The following CUL3 variants were observed in gnomAD, a reference collection of about 807,000 sequenced individuals.
CUL3 encodes cullin-3.
CUL3 carries 19 observed loss-of-function variants against 89.1 expected under a neutral mutation model. That is an observed-to-expected ratio of 0.21 (90% confidence interval 0.15 to 0.31). The LOEUF (loss-of-function observed/expected upper bound fraction) is 0.31, where lower values mean the gene tolerates loss of function less well. Ranked by LOEUF, CUL3 falls within the 10% of genes least tolerant of loss-of-function variation. The pLI is 1.00. For synonymous variants in CUL3, 351 were observed against 308.4 expected (o/e 1.14, Z -1.45); for missense variants, 469 against 942.3 (o/e 0.50, Z 6.58).
chr2:224,504,701 G>C (rs1220404781), intron 8 of CUL3, among the ~76,000 whole-genome samples: 3 of 152,166 alleles, frequency 2.0e-5, no homozygotes, highest in Non-Finnish European at 1.5e-5. Flanking sequence ...TAAATTAATA[G>C]ACTTTTCTAT....
Position 224,557,733 on chromosome 2 carries a change from T to C in CUL3, c.190A>G (p.Met64Val). 2 of 1,610,922 alleles carry C rather than the reference T, an allele frequency of 1.2e-6. No individual in the cohort carries two copies. The highest frequency in any genetic ancestry group is 1.7e-6 in the Non-Finnish European group (2 of 1,177,858). ...TTTTCTCCATGTTTATGCAAAACCA[T>C]TGTATATGCATTTCTATAGAGCTCC... is the stretch of plus-strand genomic sequence containing the variant. ...FEELYRNAYTMVLHKHGEKLY... is the reference protein window; with the variant it reads ...FEELYRNAYTVVLHKHGEKLY... Residue 64 changes from methionine (M) to valine (V), a missense_variant, in exon 2 of 16, where the codon ATG (methionine) becomes GTG (valine). By Grantham distance (21) the Met-to-Val change is conservative. Transcript: ENST00000264414.
intron 13 of CUL3, among the ~76,000 whole-genome samples, chr2:224,493,014 C>T (rs1000217834): frequency 6.6e-6 from 1 of 152,160 alleles, no homozygotes; most frequent in Non-Finnish European, 1.5e-5. Context: ...ATGTGAACCA[C>T]CCTGGAAGTG....
Position 224,585,256 on chromosome 2 carries a change from C to T in CUL3, c.-247G>A, listed in dbSNP as rs1695558286. On this transcript the variant is annotated 5_prime_UTR_variant, in exon 1 of 16. Transcript: ENST00000264414. ...GGGCTGCGCTGGCGCGGCGGCTCCG[C>T]GGGGTCCCCCTCACGTCCGGCTCGG... 1 of 396,698 alleles carries T rather than the reference C, an allele frequency of 2.5e-6. No individual in the cohort carries two copies. The highest frequency in any genetic ancestry group is 4.5e-5 in the Admixed American group (1 of 22,456). 24.6% of individuals were successfully genotyped at this position (396,698 alleles called of 1,614,324 possible).
At chr2:224,498,061 T>C (rs1692232956) in intron 11 of CUL3, among the ~76,000 whole-genome samples, 2 of 152,274 alleles carry the variant, frequency 1.3e-5, no homozygotes, top group Admixed American at 6.5e-5. Flanking sequence ...AGATATTAAA[T>C]GACAAAGGCC....
chr2:224,540,816 C>A (rs894758721), intron 2 of CUL3, among the ~76,000 whole-genome samples: 2 of 152,160 alleles, frequency 1.3e-5, no homozygotes, highest in Admixed American at 6.5e-5. Context: ...CCCTCACCTC[C>A]CATCCTCCAA....
At chr2:224,478,513 GAATA>G in intron 14 of CUL3, 168 bp from the exon 15 acceptor site, 2 of 488,150 alleles carry the variant, frequency 4.1e-6, no homozygotes, top group Non-Finnish European at 7.0e-6. Context: ...ATGTTTACTT[GAATA>G]CTAAATTATC....
intron 11 of CUL3, 47 bp from the exon 12 acceptor site, chr2:224,497,896 A>T: frequency 7.2e-7 from 1 of 1,393,812 alleles, no homozygotes; most frequent in Non-Finnish European, 1.0e-6. Flanking sequence ...AAACTTACAC[A>T]TTTGAAATTA....
intron 3 of CUL3, chr2:224,532,915 CAT>C (rs1330746526): frequency 6.6e-6 from 1 of 152,112 alleles, no homozygotes; most frequent in African/African-American, 2.4e-5. Flanking sequence ...AAAAGAAAAA[CAT>C]AAAAGGGGAG....
At chr2:224,548,550 A>G (rs1694390018) in intron 2 of CUL3, among the ~76,000 whole-genome samples, 1 of 152,192 alleles carries the variant, frequency 6.6e-6, no homozygotes, top group Non-Finnish European at 1.5e-5. Context: ...TTATAGGTTC[A>G]TTTATGAGGT....
chr2:224,531,211 C>T (rs528766548), intron 3 of CUL3, among the ~76,000 whole-genome samples: 34 of 151,416 alleles, frequency 2.2e-4, no homozygotes, highest in African/African-American at 8.0e-4. Flanking sequence ...CCTCAGCCTC[C>T]GAGTAGCTGG....
chr2:224,533,948 T>C (rs1163070770), intron 3 of CUL3, among the ~76,000 whole-genome samples: 3 of 152,174 alleles, frequency 2.0e-5, no homozygotes, highest in African/African-American at 4.8e-5. Flanking sequence ...TTGTTCTCAT[T>C]GGAAATTCTT....
chr2:224,496,683 A>AATAGC (rs916710259), intron 12 of CUL3, among the ~76,000 whole-genome samples: 3 of 152,128 alleles, frequency 2.0e-5, no homozygotes, highest in Non-Finnish European at 2.9e-5. Context: ...GAGATCAAAA[A>AATAGC]ATAGCATAGC....
intron 11 of CUL3, chr2:224,499,919 CTTG>C (rs1295608318): frequency 6.5e-5 from 10 of 154,758 alleles, no homozygotes; most frequent in African/African-American, 1.9e-4. Flanking sequence ...GCATATCACT[CTTG>C]TTTTTTTTTC....
chr2:224,575,687 G>GT, intron 1 of CUL3, among the ~76,000 whole-genome samples: 1 of 152,244 alleles, frequency 6.6e-6, no homozygotes. Context: ...TATGAGGTAG[G>GT]TATCATCATT....
At chr2:224,543,809 C>A (rs530260657) in intron 2 of CUL3, among the ~76,000 whole-genome samples, 36 of 152,136 alleles carry the variant, frequency 2.4e-4, no homozygotes, top group African/African-American at 8.2e-4. Flanking sequence ...CATGGCAAAA[C>A]CTCATCTCCA....
At chr2:224,487,330 TAA>T (rs1691764531) in intron 13 of CUL3, among the ~76,000 whole-genome samples, 1 of 147,608 alleles carries the variant, frequency 6.8e-6, no homozygotes, top group Non-Finnish European at 1.5e-5. Flanking sequence ...GCAAATTGGA[TAA>T]AGAGTCAAGG....
Position 224,478,363 on chromosome 2 carries a change from A to G in CUL3, c.2030-18T>C. On this transcript the variant is annotated intron_variant, in intron 14 of 15. Coordinates refer to ENST00000264414, the MANE Select transcript of CUL3 (RefSeq NM_003590.5). ...GGCAGCAACTAAAATAGAAATAAAG[A>G]CATTTATCATAAATCTAATTTTAAA... is the stretch of plus-strand genomic sequence containing the variant. 1 of 1,594,494 alleles carries G rather than the reference A, an allele frequency of 6.3e-7. No homozygotes were observed. Among genetic ancestry groups the G allele is most frequent in the Non-Finnish European group, 8.5e-7 (1 of 1,173,288 alleles).
chr2:224,567,278 T>G (rs1408044864), intron 1 of CUL3, among the ~76,000 whole-genome samples: 1 of 152,116 alleles, frequency 6.6e-6, no homozygotes, highest in Non-Finnish European at 1.5e-5. Context: ...AGTGCAGAGG[T>G]GCAATCATAG....
rs1214053324 is a variant in CUL3, at chr2:224,503,777, G to A, written c.1252C>T (p.Leu418Phe). 1 of 1,601,008 alleles carries A rather than the reference G, an allele frequency of 6.2e-7. No individual in the cohort carries two copies. Among genetic ancestry groups the A allele is most frequent in the Admixed American group, 1.8e-5 (1 of 56,860 alleles). ...TCTTTTTCTTGCATAAACCTAAAAA[G>A]GACCATTGCTTTATCCAATATTGTT... ...VETILDKAMVLFRFMQEKDVF... is the reference protein window; with the variant it reads ...VETILDKAMVFFRFMQEKDVF... Residue 418 changes from leucine (L) to phenylalanine (F), a missense_variant, in exon 9 of 16, where the codon CTT becomes TTT. By Grantham distance (22) the Leu-to-Phe change is conservative. Around this residue, in one of 4 missense-constraint regions of CUL3, gnomAD observed 370 missense variants for 733.2 expected, o/e 0.50. Transcript: ENST00000264414.
Sources: gnomAD v4.1 joint callset for allele counts (sites outside exome capture counted in the v4.1 genomes callset) on GRCh38, gnomAD v4.1.1 for gene constraint, gnomAD v4.1.1 regional missense constraint, MANE v1.5 for transcripts, NCBI Gene and HGNC (gene_info 2026-07-23, HGNC 2026-07-21) for gene names.